WDR64: variants seen among roughly 807,000 people sequenced by gnomAD.
WDR64 encodes WD repeat domain 64.
WDR64 carries 112 observed loss-of-function variants against 139.3 expected under a neutral mutation model. That is an observed-to-expected ratio of 0.80 (90% CI 0.69 to 0.94). WDR64 has a LOEUF of 0.94. WDR64 is among the 40% of genes least tolerant of loss of function. The pLI is 0.00. For synonymous variants in WDR64, 444 were observed against 437.7 expected (o/e 1.01, Z -0.18); for missense variants, 1,206 against 1,293.1 (o/e 0.93, Z 1.03).
At chr1:241,728,510 T>A (rs1198472191) in intron 10 of WDR64, among the ~76,000 whole-genome samples, 1 of 152,214 alleles carries the variant, frequency 6.6e-6, no homozygotes, top group Non-Finnish European at 1.5e-5. Context: ...TGCATAGTTG[T>A]GTGCCCACTA....
At chr1:241,792,467 T>A (rs1377788299) in intron 25 of WDR64, among the ~76,000 whole-genome samples, 2 of 152,038 alleles carry the variant, frequency 1.3e-5, no homozygotes, top group African/African-American at 4.8e-5. Flanking sequence ...ACCCAGGAGA[T>A]GGAGGTTGCA....
intron 8 of WDR64, among the ~76,000 whole-genome samples, chr1:241,704,126 G>T (rs1048049454): frequency 6.6e-6 from 1 of 152,160 alleles, no homozygotes; most frequent in African/African-American, 2.4e-5. Flanking sequence ...GAAACTGTGA[G>T]TCTGGTGCCA....
chr1:241,715,595 T>A (rs189250341), intron 9 of WDR64, among the ~76,000 whole-genome samples: 2 of 152,330 alleles, frequency 1.3e-5, no homozygotes, highest in East Asian at 3.9e-4. Flanking sequence ...CTCTTCCTCT[T>A]TCAATGCAAA....
chr1:241,660,049 T>C (rs1302818804), intron 1 of WDR64, among the ~76,000 whole-genome samples: 1 of 152,232 alleles, frequency 6.6e-6, no homozygotes, highest in Non-Finnish European at 1.5e-5. Context: ...GGGTTTTACA[T>C]TTAAGTCTTT....
At chr1:241,751,897 GA>G (rs1402443177) in intron 14 of WDR64, among the ~76,000 whole-genome samples, 1 of 152,136 alleles carries the variant, frequency 6.6e-6, no homozygotes, top group East Asian at 1.9e-4. Flanking sequence ...CTGCCTATAT[GA>G]AACCTTTGGC....
chr1:241,752,841 A>G (rs1307484240), intron 14 of WDR64, among the ~76,000 whole-genome samples: 2 of 152,074 alleles, frequency 1.3e-5, no homozygotes, highest in Non-Finnish European at 2.9e-5. Context: ...ACAGAGCAAG[A>G]CTCTGTCTCA....
chr1:241,674,285 G>T (rs1166863176), intron 3 of WDR64, among the ~76,000 whole-genome samples: 1 of 139,472 alleles, frequency 7.2e-6, no homozygotes, highest in Non-Finnish European at 1.5e-5. Context: ...TTGAGACAGG[G>T]TCTCGCTCTG....
chr1:241,715,359 G>A (rs1340588929), intron 9 of WDR64, among the ~76,000 whole-genome samples: 1 of 152,194 alleles, frequency 6.6e-6, no homozygotes, highest in Non-Finnish European at 1.5e-5. Context: ...CCAACTGCTT[G>A]ATCCCCATTG....
chr1:241,744,540 GCGT>G lies in WDR64; in HGVS notation c.1594+26_1594+28del, dbSNP rs776555462. 2.7e-5 allele frequency: 43 copies of G among 1,611,952 alleles called. No individual in the cohort carries two copies. The African/African-American group carries it at 5.3e-4, about 20-fold the overall frequency. ...TGGTCAGACTAACATCCAGAATGTG[GCGT>G]CCCTGCTTTAGTGTCCTGAGAATTT... On this transcript the variant is annotated intron_variant, in intron 13 of 27. Coordinates refer to ENST00000437684, the MANE Select transcript of WDR64 (RefSeq NM_001367482.1).
At chr1:241,701,175 A>G (rs1558479454) in intron 8 of WDR64, among the ~76,000 whole-genome samples, 1 of 152,340 alleles carries the variant, frequency 6.6e-6, no homozygotes, top group East Asian at 1.9e-4. Flanking sequence ...TTTTGCGGGG[A>G]GTAACCTCAA....
chr1:241,685,647 T>C (rs551744878), intron 7 of WDR64, among the ~76,000 whole-genome samples: 108 of 152,312 alleles, frequency 7.1e-4, no homozygotes, highest in South Asian at 3.7e-3. Flanking sequence ...AGAGTTAGAA[T>C]ATGCAATTAA....
At chr1:241,768,459 C>T (rs757530963) in intron 16 of WDR64, among the ~76,000 whole-genome samples, 85 of 152,148 alleles carry the variant, frequency 5.6e-4, no homozygotes, top group Non-Finnish European at 7.5e-4. Flanking sequence ...TCTTCTCTTC[C>T]CACTCTAAGC....
At chr1:241,732,611 G>A (rs1669126048) in intron 10 of WDR64, among the ~76,000 whole-genome samples, 1 of 151,502 alleles carries the variant, frequency 6.6e-6, no homozygotes, top group South Asian at 2.1e-4. Context: ...CTTGAAGTCA[G>A]GAGTTTGAGA....
intron 24 of WDR64, among the ~76,000 whole-genome samples, chr1:241,790,386 T>A (rs1468356207): frequency 6.6e-6 from 1 of 151,808 alleles, no homozygotes; most frequent in African/African-American, 2.4e-5. Context: ...AATGTTCTGG[T>A]TGAGTAGGAG....
intron 9 of WDR64, 95 bp from the exon 10 acceptor site, chr1:241,723,202 T>C (rs1338800074): frequency 5.4e-6 from 8 of 1,470,372 alleles, no homozygotes; most frequent in Non-Finnish European, 6.5e-6. Context: ...TGATTTGCTG[T>C]TCGAAGAAAG....
intron 25 of WDR64, among the ~76,000 whole-genome samples, chr1:241,790,969 G>A (rs952326941): frequency 1.3e-5 from 2 of 152,050 alleles, no homozygotes; most frequent in Non-Finnish European, 2.9e-5. Context: ...CCTTAGCTTT[G>A]TGGCTCCCTT....
intron 4 of WDR64, 43 bp downstream of exon 4, chr1:241,674,790 A>C: frequency 8.1e-7 from 1 of 1,227,932 alleles, no homozygotes; most frequent in Non-Finnish European, 1.2e-6. Flanking sequence ...TCATTTTACA[A>C]TAACCAGGTA....
At position 241,716,197 on chromosome 1, in the gene WDR64, T is replaced by C. The variant is rs114625247; in HGVS notation, c.1054+4316T>C. On this transcript the variant is annotated intron_variant, in intron 9 of 27. Coordinates refer to ENST00000437684, the MANE Select transcript of WDR64 (RefSeq NM_001367482.1). ...ATGTACCCGCTGACGACTCAAAATA[T>C]ACAATAAAAGCAGCTTTGCTAGGCA... Among the ~76,000 whole-genome samples, 1,150 of 150,996 alleles carry C rather than the reference T, an allele frequency of 7.6e-3. 14 individuals are homozygous for C. Among genetic ancestry groups the C allele is most frequent in the African/African-American group, 0.027 (1,093 of 41,114 alleles).
chr1:241,772,988 A>G (rs1658519849), intron 20 of WDR64, 57 bp downstream of exon 20: 14 of 1,499,008 alleles, frequency 9.3e-6, no homozygotes, highest in East Asian at 5.1e-5. Flanking sequence ...AAAAAGAATC[A>G]TTAAATGAAT....
Sources: gnomAD v4.1 joint callset for allele counts (sites outside exome capture counted in the v4.1 genomes callset) on GRCh38, gnomAD v4.1.1 for gene constraint, MANE v1.5 for transcripts, NCBI Gene and HGNC (gene_info 2026-07-23, HGNC 2026-07-21) for gene names.